Variants in MCUB observed in about 807,000 individuals in gnomAD.
The protein encoded by MCUB is calcium uniporter regulatory subunit MCUb, mitochondrial.
A neutral mutation model predicts 41.4 loss-of-function variants in MCUB; 46 were observed. The ratio of observed to expected loss-of-function variants is 1.11; its 90% CI spans 0.88 to 1.42. The LOEUF (loss-of-function observed/expected upper bound fraction) is 1.42. MCUB is among the 40% of genes most tolerant of loss of function. The pLI is 0.00. For missense variants in MCUB, 403 were observed against 404.9 expected (o/e 1.00, Z 0.04); for synonymous variants, 148 against 148.2 (o/e 1.00, Z 0.01).
At chr4:109,631,111 C>T (rs775184420) in intron 1 of MCUB, among the ~76,000 whole-genome samples, 6 of 152,146 alleles carry the variant, frequency 3.9e-5, no homozygotes, top group Admixed American at 6.5e-5. Context: ...TGAGATCAAG[C>T]TAGTATAATT....
intron 1 of MCUB, among the ~76,000 whole-genome samples, chr4:109,624,765 A>G (rs1427020900): frequency 6.6e-6 from 1 of 152,218 alleles, no homozygotes; most frequent in Non-Finnish European, 1.5e-5. Context: ...GTCATTATTC[A>G]CAGGAGCTGA....
At chr4:109,612,910 T>C (rs1728045971) in intron 1 of MCUB, among the ~76,000 whole-genome samples, 1 of 152,014 alleles carries the variant, frequency 6.6e-6, no homozygotes, top group South Asian at 2.1e-4. Flanking sequence ...ATCAAGACCA[T>C]CCTGGCTAAC....
At chr4:109,578,910 C>A (rs1294221353) in intron 1 of MCUB, among the ~76,000 whole-genome samples, 2 of 152,166 alleles carry the variant, frequency 1.3e-5, no homozygotes, top group Non-Finnish European at 1.5e-5. Flanking sequence ...ATGAACAAGT[C>A]ACAAGAAAAA....
intron 4 of MCUB, among the ~76,000 whole-genome samples, chr4:109,679,858 G>A (rs183053602): frequency 0.011 from 1,658 of 152,220 alleles, 36 homozygotes; most frequent in African/African-American, 0.037. Flanking sequence ...CTGGAGTGCA[G>A]TGGTGCAATC....
intron 4 of MCUB, among the ~76,000 whole-genome samples, chr4:109,668,519 A>G (rs1379066031): frequency 2.0e-5 from 3 of 151,984 alleles, no homozygotes; most frequent in African/African-American, 7.2e-5. Flanking sequence ...TTTCATCTAT[A>G]TATGTCTTCA....
intron 1 of MCUB, among the ~76,000 whole-genome samples, chr4:109,637,620 A>T (rs1325366965): frequency 1.3e-5 from 2 of 152,266 alleles, no homozygotes; most frequent in African/African-American, 2.4e-5. Flanking sequence ...ATGGAATTGT[A>T]GACTAATACT....
intron 1 of MCUB, among the ~76,000 whole-genome samples, chr4:109,607,251 C>G (rs1445290350): frequency 1.3e-5 from 2 of 151,720 alleles, no homozygotes; most frequent in Non-Finnish European, 2.9e-5. Context: ...AAGTCTCACT[C>G]TTGTCCCCCA....
chr4:109,632,677 G>A (rs976516937), intron 1 of MCUB, among the ~76,000 whole-genome samples: 3 of 147,704 alleles, frequency 2.0e-5, no homozygotes, highest in Admixed American at 6.8e-5. Flanking sequence ...GTGCAATGGC[G>A]CGATCTTGAT....
Position 109,577,812 on chromosome 4 carries a change from A to T in MCUB, c.99+17376A>T, listed in dbSNP as rs1727068716. Among the ~76,000 whole-genome samples the T allele has an allele frequency of 5.2e-5, 2 of 38,294 alleles. 1 individual carries two copies. The allele number at this position is 38,294 out of a possible 152,430, so 25.1% of individuals were successfully genotyped here. A position where few individuals can be genotyped will look rare whatever the true frequency, so the allele number is the denominator to read the frequency against. ...TTTTTAGTAGAGACGGGGTTTCACC[A>T]TGTTGGTCAGGATGGTCTCGATCTC... On this transcript the variant is annotated intron_variant, in intron 1 of 7. Coordinates refer to ENST00000394650, the MANE Select transcript of MCUB (RefSeq NM_017918.5).
chr4:109,627,437 C>G lies in MCUB; in HGVS notation c.100-31574C>G, dbSNP rs148766602. Among the ~76,000 whole-genome samples, 1,122 of 152,300 alleles carry G rather than the reference C, an allele frequency of 7.4e-3. 25 individuals are homozygous for G. The highest frequency in any genetic ancestry group is 0.065 in the East Asian group (336 of 5,194). ...GAATCTGTCAAGCATTTTAGGAAAT[C>G]AACAGCTTTTTGCTGTGCTCCCATA... On this transcript the variant is annotated intron_variant, in intron 1 of 7. Coordinates refer to ENST00000394650, the MANE Select transcript of MCUB (RefSeq NM_017918.5).
chr4:109,643,089 G>A (rs761202976), intron 1 of MCUB, among the ~76,000 whole-genome samples: 14 of 151,472 alleles, frequency 9.2e-5, no homozygotes, highest in Non-Finnish European at 1.3e-4. Flanking sequence ...CACCGCACCC[G>A]GCCACTCTCA....
intron 1 of MCUB, among the ~76,000 whole-genome samples, chr4:109,605,144 G>A (rs917906913): frequency 4.6e-5 from 7 of 152,036 alleles, no homozygotes; most frequent in Admixed American, 1.3e-4. Context: ...AAGCCATTGG[G>A]TCTTGGGCTT....
At chr4:109,572,833 A>G (rs895194302) in intron 1 of MCUB, among the ~76,000 whole-genome samples, 1 of 152,176 alleles carries the variant, frequency 6.6e-6, no homozygotes, top group Non-Finnish European at 1.5e-5. Flanking sequence ...ATATAATGAA[A>G]TGGCTAGATT....
intron 4 of MCUB, among the ~76,000 whole-genome samples, chr4:109,671,201 G>A (rs1376330375): frequency 6.6e-6 from 1 of 152,164 alleles, no homozygotes; most frequent in Admixed American, 6.5e-5. Flanking sequence ...CAGGAAACTG[G>A]AAGTCTTAAC....
chr4:109,605,067 A>G lies in MCUB; in HGVS notation c.99+44631A>G, dbSNP rs1190746672. On this transcript the variant is annotated intron_variant, in intron 1 of 7. Coordinates refer to ENST00000394650, the MANE Select transcript of MCUB (RefSeq NM_017918.5). ...GTTTGAAAATATTCCCTCATCCTCT[A>G]TTTTTCACAAGTTCGAGTAGGATTG... Among the ~76,000 whole-genome samples the G allele has an allele frequency of 2.0e-5, 3 of 151,920 alleles. No homozygotes were observed. In the East Asian group the frequency reaches 5.8e-4, roughly 29 times the overall value.
In MCUB at chr4:109,560,323, G is replaced by T; in HGVS notation, c.-15G>T. On this transcript the variant is annotated 5_prime_UTR_variant, in exon 1 of 8. Transcript: ENST00000394650. ...CCGCTGACGCCTGCGGGAGCCGCGC[G>T]CCTGGGGCGGGAGGATGCTCCAGAG... The T allele has an allele frequency of 8.1e-7, 1 of 1,229,276 alleles. No homozygotes were observed. Among genetic ancestry groups the T allele is most frequent in the Non-Finnish European group, 1.0e-6 (1 of 978,790 alleles). The allele number at this position is 1,229,276 out of a possible 1,614,324, so 76.1% of individuals were successfully genotyped here.
intron 1 of MCUB, among the ~76,000 whole-genome samples, chr4:109,642,956 C>T (rs932077159): frequency 7.5e-6 from 1 of 133,252 alleles, no homozygotes; most frequent in East Asian, 2.1e-4. Context: ...AGTGCAATGG[C>T]GTAATTTTTT....
intron 1 of MCUB, among the ~76,000 whole-genome samples, chr4:109,656,513 A>G (rs1246067755): frequency 6.6e-6 from 1 of 151,512 alleles, no homozygotes; most frequent in African/African-American, 2.4e-5. Context: ...AGTAGCCAGG[A>G]CTACAGGCAT....
chr4:109,687,576 T>C lies in MCUB; in HGVS notation c.995T>C (p.Leu332Pro). The change falls in exon 8 of 8, where the codon CTC (leucine) becomes CCC (proline). Residue 332 changes from leucine to proline, a missense_variant. Physicochemically the swap from Leu to Pro is moderately conservative, Grantham distance 98. Transcript: ENST00000394650. Reference sequence around the variant, plus strand: ...TGTTTGCAAATGCAAGTAGAAGAACTCAATGAAAAGAATTAATCTTACAGT... The same window carrying C: ...TGTTTGCAAATGCAAGTAGAAGAACCCAATGAAAAGAATTAATCTTACAGT... ...SLCLQMQVEE[L>P]NEKN is the part of the protein sequence containing the mutation. The C allele has an allele frequency of 6.2e-7, 1 of 1,608,062 alleles. No individual in the cohort carries two copies. The highest frequency in any genetic ancestry group is 8.5e-7 in the Non-Finnish European group (1 of 1,174,846).
Sources: allele counts gnomAD v4.1 joint callset (sites outside exome capture counted in the v4.1 genomes callset), GRCh38; gene constraint gnomAD v4.1.1; transcripts MANE v1.5; gene names NCBI Gene and HGNC (gene_info 2026-07-23, HGNC 2026-07-21).